The following PCDHGB7 variants were observed in gnomAD, a reference collection of about 807,000 sequenced individuals.
The protein encoded by PCDHGB7 is protocadherin gamma-B7.
A neutral mutation model predicts 61.4 loss-of-function variants in PCDHGB7; 37 were observed. That is an observed-to-expected ratio of 0.60 (90% CI 0.46 to 0.79). The LOEUF (loss-of-function observed/expected upper bound fraction) is 0.79, where lower values mean the gene tolerates loss of function less well. Among genes scored for constraint, PCDHGB7 ranks in the 30% least tolerant of loss-of-function variants. The probability of loss-of-function intolerance (pLI) is 0.00; values close to 1 mark genes in which losing one functional copy is unlikely to be tolerated. For synonymous variants in PCDHGB7, 464 were observed against 503.5 expected, an observed-to-expected ratio of 0.92 and a Z score of 1.05; for missense variants, 1,166 against 1,202.5, an observed-to-expected ratio of 0.97 and a Z score of 0.45.
Position 141,431,859 on chromosome 5 carries a change from C to T in PCDHGB7, c.2415+11585C>T. ...AACTCTCCCAGAGGGACATTAATTG[C>T]CCTTTTAAATGTAAATGACCAAGAT... On this transcript the variant is annotated intron_variant, in intron 1 of 3. Coordinates refer to ENST00000398594, the MANE Select transcript of PCDHGB7 (RefSeq NM_018927.4). The surrounding 1 kb of genome is among the most constrained non-coding windows in gnomAD (Gnocchi z 4.8). 3.1e-6 allele frequency: 5 copies of T among 1,614,178 alleles called. No homozygotes were observed. The highest frequency in any genetic ancestry group is 4.2e-6 in the Non-Finnish European group (5 of 1,180,008).
At chr5:141,425,918 CG>C (rs2096903264) in intron 1 of PCDHGB7, among the ~76,000 whole-genome samples, 1 of 152,200 alleles carries the variant, frequency 6.6e-6, no homozygotes, top group Admixed American at 6.5e-5. Context: ...ACAGTCACTA[CG>C]AAAACTCATA....
chr5:141,417,960 G>T lies in PCDHGB7; in HGVS notation c.101G>T (p.Arg34Leu), dbSNP rs2096199953. ...LFYPTLCEPIRYSIPEELAKG... is the reference protein window; with the variant it reads ...LFYPTLCEPILYSIPEELAKG... ...TACCCCACGCTGTGTGAGCCGATCC[G>T]CTACTCGATTCCGGAGGAGCTGGCC... is the stretch of plus-strand genomic sequence containing the variant. The change falls in exon 1 of 4, where the codon CGC becomes CTC. Residue 34 changes from arginine to leucine, a missense_variant. By Grantham distance (102) the Arg-to-Leu change is moderately radical. Coordinates refer to ENST00000398594, the MANE Select transcript of PCDHGB7 (RefSeq NM_018927.4). 1.2e-6 allele frequency: 2 copies of T among 1,613,624 alleles called. No individual in the cohort carries two copies. Among genetic ancestry groups the T allele is most frequent in the African/African-American group, 1.3e-5 (1 of 74,936 alleles).
chr5:141,421,953 G>A lies in PCDHGB7; in HGVS notation c.2415+1679G>A, dbSNP rs193141134. On this transcript the variant is annotated intron_variant, in intron 1 of 3. Coordinates refer to ENST00000398594, the MANE Select transcript of PCDHGB7 (RefSeq NM_018927.4). ...TCGATGTAAATGATCACATCCCAATGTTTACACAGTCCGTATATCGCGTGA... is the reference window on the plus strand; with the variant it reads ...TCGATGTAAATGATCACATCCCAATATTTACACAGTCCGTATATCGCGTGA... 1.8e-4 allele frequency: 295 copies of A among 1,612,962 alleles called. 5 individuals are homozygous for A. In the East Asian group the frequency reaches 4.0e-3, roughly 22 times the overall value.
chr5:141,423,086 T>TG, intron 1 of PCDHGB7: 1 of 1,613,912 alleles, frequency 6.2e-7, no homozygotes, highest in South Asian at 1.1e-5. Flanking sequence ...CTCTTCGCGG[T>TG]GGGGGAGCAC....
intron 1 of PCDHGB7, chr5:141,421,791 TG>T (rs1561796446): frequency 6.2e-7 from 1 of 1,613,792 alleles, no homozygotes; most frequent in Non-Finnish European, 8.5e-7. Flanking sequence ...GCAGAACGGA[TG>T]GGGCCAAGAA....
At chr5:141,450,885 T>C (rs1262944058) in intron 1 of PCDHGB7, among the ~76,000 whole-genome samples, 1 of 149,238 alleles carries the variant, frequency 6.7e-6, no homozygotes, top group African/African-American at 2.5e-5. Context: ...TGTGCAGTGG[T>C]GCGATATCGG....
chr5:141,419,901 C>A lies in PCDHGB7; in HGVS notation c.2042C>A (p.Pro681His), dbSNP rs2096446114. Residue 681 changes from proline (P) to histidine (H), a missense_variant, in exon 1 of 4, where the codon CCC (proline) becomes CAC (histidine). Pro to His is a moderately conservative substitution (Grantham distance 77). Coordinates refer to ENST00000398594, the MANE Select transcript of PCDHGB7 (RefSeq NM_018927.4). The part of the protein sequence containing the change: ...VLPDFSDHPT[P>H]SDSQAEMQFY... ...CCGGATTTCAGCGACCATCCCACAC[C>A]CTCTGACTCCCAGGCTGAGATGCAG... The A allele has an allele frequency of 3.1e-6, 5 of 1,614,108 alleles. No homozygotes were observed. The highest frequency in any genetic ancestry group is 4.2e-6 in the Non-Finnish European group (5 of 1,179,912).
In PCDHGB7 at chr5:141,502,866, C is replaced by CT. The variant is rs549047197; in HGVS notation, c.2475-2513dup. ...GAGCTGCCTAACCCTGACTCTCTGT[C>CT]TTTTTTTTTTTTTTGACAGGGAGTC... On this transcript the variant is annotated intron_variant, in intron 2 of 3. Transcript: ENST00000398594. Among the ~76,000 whole-genome samples, 1,216 of 127,988 alleles carry CT rather than the reference C, an allele frequency of 9.5e-3. 34 individuals are homozygous for CT. Among genetic ancestry groups the CT allele is most frequent in the Non-Finnish European group, 0.015 (955 of 62,394 alleles). The allele number at this position is 127,988 out of a possible 152,430, so 84.0% of individuals were successfully genotyped here.
intron 3 of PCDHGB7, among the ~76,000 whole-genome samples, chr5:141,509,040 C>T (rs1217864661): frequency 6.6e-6 from 1 of 152,132 alleles, no homozygotes; most frequent in African/African-American, 2.4e-5. Context: ...CAACCCCTCT[C>T]CCCCGCCCCC....
At chr5:141,492,449 T>C (rs1045043841) in intron 1 of PCDHGB7, among the ~76,000 whole-genome samples, 50 of 152,314 alleles carry the variant, frequency 3.3e-4, no homozygotes, top group African/African-American at 1.2e-3. Flanking sequence ...TAGCTGATTG[T>C]GCGCGCCTGA....
At chr5:141,423,415 G>A (rs779262475) in intron 1 of PCDHGB7, 103 of 1,614,016 alleles carry the variant, frequency 6.4e-5, no homozygotes, top group African/African-American at 1.2e-4. Context: ...GCAGGCTTCT[G>A]AAGGCGGGTT....
Position 141,491,302 on chromosome 5 carries a change from T to TC in PCDHGB7, c.2416-3504dup. The TC allele has an allele frequency of 6.2e-7, 1 of 1,614,126 alleles. No individual in the cohort carries two copies. Among genetic ancestry groups the TC allele is most frequent in the Non-Finnish European group, 8.5e-7 (1 of 1,180,000 alleles). On this transcript the variant is annotated intron_variant, in intron 1 of 3. Transcript: ENST00000398594. The surrounding 1 kb of genome is among the most constrained non-coding windows in gnomAD (Gnocchi z 6.9). ...CTTCCTCATACACCCTCCTGAGCGT[T>TC]CAGACCTTACCCTTTACCTCATTGT... is the stretch of plus-strand genomic sequence containing the variant.
chr5:141,486,673 A>G lies in PCDHGB7; in HGVS notation c.2416-8134A>G. On this transcript the variant is annotated intron_variant, in intron 1 of 3. Transcript: ENST00000398594. The surrounding 1 kb of genome is among the most constrained non-coding windows in gnomAD (Gnocchi z 5.0). ...ACTCACTCCTGGAGCCCAGGAATCG[A>G]GATGTATCAGCTTCCTCTTTCATCT... The G allele has an allele frequency of 6.2e-7, 1 of 1,614,014 alleles. No homozygotes were observed. The highest frequency in any genetic ancestry group is 2.2e-5 in the East Asian group (1 of 44,866).
rs2099629299 is a variant in PCDHGB7, at chr5:141,486,426, A to G, written c.2416-8381A>G. ...GCTGGACCCTTGGATCGAGAGGCCA[A>G]ATCTAGCTATGACATCATGGTCACT... On this transcript the variant is annotated intron_variant, in intron 1 of 3. Transcript: ENST00000398594. The surrounding 1 kb of genome is among the most constrained non-coding windows in gnomAD (Gnocchi z 5.0). 1.9e-6 allele frequency: 3 copies of G among 1,614,190 alleles called. No individual in the cohort carries two copies. Among genetic ancestry groups the G allele is most frequent in the Non-Finnish European group, 2.5e-6 (3 of 1,180,026 alleles).
chr5:141,433,017 A>G, intron 1 of PCDHGB7: 2 of 1,614,124 alleles, frequency 1.2e-6, no homozygotes, highest in Non-Finnish European at 8.5e-7. Context: ...CTGCAGACCT[A>G]TTCCCACGAG....
At chr5:141,449,215 T>C (rs2098631967) in intron 1 of PCDHGB7, among the ~76,000 whole-genome samples, 2 of 152,170 alleles carry the variant, frequency 1.3e-5, no homozygotes, top group Non-Finnish European at 2.9e-5. Context: ...ACTTTCTGTT[T>C]TGAAATGATT....
Position 141,418,095 on chromosome 5 carries a change from C to A in PCDHGB7, c.236C>A (p.Ala79Glu), listed in dbSNP as rs1246996867. The A allele has an allele frequency of 6.2e-7, 1 of 1,614,006 alleles. No homozygotes were observed. Among genetic ancestry groups the A allele is most frequent in the Middle Eastern group, 1.7e-4 (1 of 6,036 alleles). The change falls in exon 1 of 4, where the codon GCG becomes GAG. Residue 79 changes from alanine to glutamate, a missense_variant. Coordinates refer to ENST00000398594, the MANE Select transcript of PCDHGB7 (RefSeq NM_018927.4). ...GAGAAGCTGCACTTCAGCGTAGACGCGCAGAGCGGGGACTTACTTGTGAAG... is the reference window on the plus strand; with the variant it reads ...GAGAAGCTGCACTTCAGCGTAGACGAGCAGAGCGGGGACTTACTTGTGAAG... The part of the protein sequence containing the change: ...SAEKLHFSVD[A>E]QSGDLLVKDR...
At chr5:141,423,346 G>T in intron 1 of PCDHGB7, 1 of 1,614,214 alleles carries the variant, frequency 6.2e-7, no homozygotes, top group South Asian at 1.1e-5. Context: ...CATCTTCCTG[G>T]TCTTTGTCAT....
At chr5:141,460,981 GTGTATA>G (rs1450537646) in intron 1 of PCDHGB7, among the ~76,000 whole-genome samples, 10 of 121,882 alleles carry the variant, frequency 8.2e-5, no homozygotes, top group African/African-American at 3.1e-4. Flanking sequence ...GTGTGTGTGT[GTGTATA>G]TATATATATG....
Sources: allele counts gnomAD v4.1 joint callset (sites outside exome capture counted in the v4.1 genomes callset), GRCh38; gene constraint gnomAD v4.1.1; non-coding constraint Gnocchi (gnomAD v3.1); transcripts MANE v1.5; gene names NCBI Gene and HGNC (gene_info 2026-07-23, HGNC 2026-07-21).